The following GLCE variants were observed in gnomAD, a reference collection of about 807,000 sequenced individuals.
GLCE encodes D-glucuronyl C5-epimerase.
A neutral mutation model predicts 47.9 loss-of-function variants in GLCE; 19 were observed. The ratio of observed to expected loss-of-function variants is 0.40; its 90% CI spans 0.28 to 0.58. The LOEUF (loss-of-function observed/expected upper bound fraction) is 0.58, where lower values mean the gene tolerates loss of function less well. Among genes scored for constraint, GLCE ranks in the 20% least tolerant of loss-of-function variants. GLCE has a pLI of 0.48. For missense variants in GLCE, 556 were observed against 743.3 expected (o/e 0.75, Z 2.93); for synonymous variants, 245 against 263.4 (o/e 0.93, Z 0.68).
intron 4 of GLCE, among the ~76,000 whole-genome samples, chr15:69,265,513 G>A (rs1002396996): frequency 2.0e-5 from 3 of 152,170 alleles, no homozygotes; most frequent in African/African-American, 7.2e-5. Flanking sequence ...ATTGAGGATT[G>A]TGACTTCTGT....
chr15:69,220,929 C>T (rs1171338347), intron 2 of GLCE, among the ~76,000 whole-genome samples: 1 of 152,114 alleles, frequency 6.6e-6, no homozygotes, highest in African/African-American at 2.4e-5. Context: ...TTAAGTCTTT[C>T]ATCTATTTTT....
intron 1 of GLCE, among the ~76,000 whole-genome samples, chr15:69,177,265 T>C (rs991869322): frequency 6.6e-6 from 1 of 152,168 alleles, no homozygotes; most frequent in African/African-American, 2.4e-5. Flanking sequence ...AGTTTTGCCA[T>C]GTTACCAGGC....
intron 3 of GLCE, 75 bp downstream of exon 3, chr15:69,256,467 AC>A (rs2052927147): frequency 6.4e-6 from 6 of 938,460 alleles, no homozygotes; most frequent in Non-Finnish European, 9.9e-6. Flanking sequence ...TGTTAATTAT[AC>A]ATCAAGTACA....
chr15:69,248,510 GTGCT>G (rs779225378), intron 2 of GLCE, among the ~76,000 whole-genome samples: 11 of 152,120 alleles, frequency 7.2e-5, no homozygotes, highest in East Asian at 1.9e-4. Context: ...TATAGGCCAA[GTGCT>G]TGCTTGCTTG....
At chr15:69,219,375 A>C (rs2052349848) in intron 2 of GLCE, among the ~76,000 whole-genome samples, 1 of 152,154 alleles carries the variant, frequency 6.6e-6, no homozygotes, top group Admixed American at 6.5e-5. Flanking sequence ...TTGGTAAGGA[A>C]AAAGTCCAAT....
At chr15:69,228,925 C>T (rs1273557345) in intron 2 of GLCE, among the ~76,000 whole-genome samples, 5 of 152,078 alleles carry the variant, frequency 3.3e-5, no homozygotes, top group East Asian at 1.9e-4. Context: ...TGAGCTCAAA[C>T]GATTTGCCCA....
chr15:69,173,033 A>G (rs1330273327), intron 1 of GLCE, among the ~76,000 whole-genome samples: 1 of 152,192 alleles, frequency 6.6e-6, no homozygotes, highest in African/African-American at 2.4e-5. Context: ...TGTTTGTTTA[A>G]GCAGAGGTGT....
At chr15:69,163,503 C>A (rs1199147065) in intron 1 of GLCE, among the ~76,000 whole-genome samples, 1 of 152,060 alleles carries the variant, frequency 6.6e-6, no homozygotes, top group Non-Finnish European at 1.5e-5. Context: ...AATAAGAAAC[C>A]AAGCAAAATA....
chr15:69,199,187 T>C (rs140470842), intron 1 of GLCE, among the ~76,000 whole-genome samples: 1 of 152,142 alleles, frequency 6.6e-6, no homozygotes. Flanking sequence ...ATAATGTTAA[T>C]GAAAAGTTCA....
intron 3 of GLCE, among the ~76,000 whole-genome samples, chr15:69,260,077 A>C (rs567341560): frequency 6.6e-6 from 1 of 152,194 alleles, no homozygotes; most frequent in African/African-American, 2.4e-5. Context: ...TAAAAGTTGT[A>C]CTTAGAACTT....
At chr15:69,207,280 G>A (rs1360724163) in intron 1 of GLCE, among the ~76,000 whole-genome samples, 2 of 152,042 alleles carry the variant, frequency 1.3e-5, no homozygotes, top group African/African-American at 4.8e-5. Flanking sequence ...ATACATTAAA[G>A]TTCAGTCTTT....
intron 2 of GLCE, among the ~76,000 whole-genome samples, chr15:69,224,345 C>T (rs990596627): frequency 1.3e-5 from 2 of 152,138 alleles, no homozygotes; most frequent in African/African-American, 4.8e-5. Flanking sequence ...GCATCTTTTC[C>T]TGGACATGCA....
chr15:69,241,274 C>T (rs1344428796), intron 2 of GLCE, among the ~76,000 whole-genome samples: 3 of 152,170 alleles, frequency 2.0e-5, no homozygotes, highest in Admixed American at 6.5e-5. Flanking sequence ...ATTCTTTATT[C>T]AGCCAAGTTG....
At chr15:69,251,846 G>A (rs1173396598) in intron 2 of GLCE, among the ~76,000 whole-genome samples, 1 of 152,146 alleles carries the variant, frequency 6.6e-6, no homozygotes, top group Non-Finnish European at 1.5e-5. Context: ...TTGCCATGAT[G>A]TTATATATTT....
chr15:69,258,324 ATC>A (rs75388317), intron 3 of GLCE, among the ~76,000 whole-genome samples: 77,400 of 151,844 alleles, frequency 0.51, 23,307 homozygotes, highest in Admixed American at 0.65. Flanking sequence ...AAAGCACGTG[ATC>A]TCTTTCTTTT....
chr15:69,239,531 C>T (rs901538359), intron 2 of GLCE, among the ~76,000 whole-genome samples: 2 of 152,098 alleles, frequency 1.3e-5, no homozygotes, highest in South Asian at 4.1e-4. Flanking sequence ...CAGTGTGGTA[C>T]AAGCATCTGA....
intron 1 of GLCE, among the ~76,000 whole-genome samples, chr15:69,187,969 C>T (rs1383664856): frequency 1.3e-5 from 2 of 152,138 alleles, no homozygotes; most frequent in Non-Finnish European, 2.9e-5. Context: ...GAGGCTGAGG[C>T]AGGAGAATCA....
intron 1 of GLCE, among the ~76,000 whole-genome samples, chr15:69,161,751 G>A (rs772454578): frequency 6.6e-6 from 1 of 152,192 alleles, no homozygotes; most frequent in Non-Finnish European, 1.5e-5. Context: ...TCTGCCCCGG[G>A]ATCCCTGTGG....
At chr15:69,266,021 A>G (rs781756302) in intron 4 of GLCE, among the ~76,000 whole-genome samples, 1 of 152,222 alleles carries the variant, frequency 6.6e-6, no homozygotes, top group Non-Finnish European at 1.5e-5. Flanking sequence ...GAAAAATGCT[A>G]GTTAAGAGAG....
Sources: gnomAD v4.1 joint callset for allele counts (sites outside exome capture counted in the v4.1 genomes callset) on GRCh38, gnomAD v4.1.1 for gene constraint, MANE v1.5 for transcripts, NCBI Gene and HGNC (gene_info 2026-07-23, HGNC 2026-07-21) for gene names.